The following NFATC1 variants were observed in gnomAD, a reference collection of about 807,000 sequenced individuals.
NFATC1 encodes nuclear factor of activated T-cells, cytoplasmic 1.
In NFATC1, 22 loss-of-function variants were observed where a neutral mutation model predicts 76.0. The ratio of observed to expected loss-of-function variants is 0.29; its 90% CI spans 0.21 to 0.41. NFATC1 has a LOEUF of 0.41. NFATC1 is among the 10% of genes least tolerant of loss of function. NFATC1 has a pLI of 1.00. For missense variants in NFATC1, 1,357 were observed against 1,337.7 expected, an observed-to-expected ratio of 1.01 and a Z score of -0.23; for synonymous variants, 704 against 613.1, an observed-to-expected ratio of 1.15 and a Z score of -2.19.
At chr18:79,435,862 C>A (rs932040364) in intron 3 of NFATC1, among the ~76,000 whole-genome samples, 1 of 152,188 alleles carries the variant, frequency 6.6e-6, no homozygotes, top group African/African-American at 2.4e-5. Flanking sequence ...TCCATTGAAA[C>A]GCGGGAGAAA....
At chr18:79,423,059 C>T (rs1222423835) in intron 2 of NFATC1, among the ~76,000 whole-genome samples, 2 of 151,214 alleles carry the variant, frequency 1.3e-5, no homozygotes, top group Non-Finnish European at 2.9e-5. Flanking sequence ...GTGTCCAAAG[C>T]TGTTGTGAGG....
chr18:79,435,863 G>A (rs1455010398), intron 3 of NFATC1, among the ~76,000 whole-genome samples: 2 of 152,198 alleles, frequency 1.3e-5, no homozygotes, highest in Non-Finnish European at 2.9e-5. Flanking sequence ...CCATTGAAAC[G>A]CGGGAGAAAA....
At chr18:79,477,458 C>T (rs1382625196) in intron 8 of NFATC1, among the ~76,000 whole-genome samples, 1 of 152,218 alleles carries the variant, frequency 6.6e-6, no homozygotes, top group Non-Finnish European at 1.5e-5. Flanking sequence ...ATCTCCCCAC[C>T]CCCAATGCCA....
chr18:79,399,955 A>G (rs1464175701), intron 1 of NFATC1, among the ~76,000 whole-genome samples: 1 of 150,542 alleles, frequency 6.6e-6, no homozygotes, highest in Non-Finnish European at 1.5e-5. Context: ...GGAGGCCCGG[A>G]TTGAAAACTT....
At chr18:79,513,011 A>AT (rs1397520069) in intron 9 of NFATC1, among the ~76,000 whole-genome samples, 3 of 152,252 alleles carry the variant, frequency 2.0e-5, no homozygotes, top group Non-Finnish European at 4.4e-5. Flanking sequence ...CTGGCAGAGA[A>AT]TTTCGCTAGA....
chr18:79,402,946 G>A (rs2085316876), intron 1 of NFATC1, among the ~76,000 whole-genome samples: 1 of 152,264 alleles, frequency 6.6e-6, no homozygotes, highest in Non-Finnish European at 1.5e-5. Flanking sequence ...GAGATCAATT[G>A]CAAAGCAAGG....
At chr18:79,494,907 G>A (rs559883628) in intron 9 of NFATC1, among the ~76,000 whole-genome samples, 1 of 147,808 alleles carries the variant, frequency 6.8e-6, no homozygotes, top group South Asian at 2.2e-4. Flanking sequence ...TGGTACCGCC[G>A]GGGGAAAGCG....
intron 9 of NFATC1, among the ~76,000 whole-genome samples, chr18:79,508,315 C>T (rs911250889): frequency 2.0e-5 from 3 of 152,076 alleles, no homozygotes; most frequent in African/African-American, 4.8e-5. Context: ...GGGTGCCGGG[C>T]AGGAGGAAGC....
chr18:79,508,857 CCTCTGTCTCTGCCT>C (rs1263165987), intron 9 of NFATC1, among the ~76,000 whole-genome samples: 2 of 150,620 alleles, frequency 1.3e-5, no homozygotes, highest in African/African-American at 4.9e-5. Flanking sequence ...TATCTCTCTC[CCTCTGTCTCTGCCT>C]CTCTGTCTCT....
chr18:79,416,326 T>C (rs150015250), intron 2 of NFATC1, among the ~76,000 whole-genome samples: 20 of 152,322 alleles, frequency 1.3e-4, no homozygotes, highest in African/African-American at 4.6e-4. Flanking sequence ...CCAGGCTCAG[T>C]AGCGATTCCT....
rs1029717244 is a variant in NFATC1, at chr18:79,421,279, A to G, written c.1226+9778A>G. ...TCCCTCTGCACAGGCCACTGTTCCC[A>G]GAACTCGAGGGTTCCCTGACACCAA... On this transcript the variant is annotated intron_variant, in intron 2 of 9. Coordinates refer to ENST00000427363, the MANE Select transcript of NFATC1 (RefSeq NM_001278669.2). The G allele has an allele frequency of 3.2e-4, 48 of 152,334 alleles. 2 individuals are homozygous for G. Among genetic ancestry groups the G allele is most frequent in the Non-Finnish European group, 4.4e-5 (3 of 68,122 alleles). The allele number at this position is 152,334 out of a possible 1,614,324, so 9.4% of individuals were successfully genotyped here.
rs555957794 is a variant in NFATC1 at position 79,425,327 on chromosome 18, C to T, written c.1227-8252C>T. Reference sequence around the variant, plus strand: ...TTTCTCTTTTAACTAAGGGAAAAGCCGTCACACAACCAAATGGCCATGAGG... The same window carrying T: ...TTTCTCTTTTAACTAAGGGAAAAGCTGTCACACAACCAAATGGCCATGAGG... On this transcript the variant is annotated intron_variant, in intron 2 of 9. Coordinates refer to ENST00000427363, the MANE Select transcript of NFATC1 (RefSeq NM_001278669.2). 6.6e-5 allele frequency among the ~76,000 whole-genome samples: 10 copies of T among 152,118 alleles called. No individual in the cohort carries two copies. In the South Asian group the frequency reaches 2.1e-3, roughly 32 times the overall value.
intron 9 of NFATC1, among the ~76,000 whole-genome samples, chr18:79,499,874 A>G (rs1371405408): frequency 6.6e-6 from 1 of 152,212 alleles, no homozygotes; most frequent in East Asian, 1.9e-4. Context: ...ATTACTAGAA[A>G]CAATGAACTG....
intron 1 of NFATC1, among the ~76,000 whole-genome samples, chr18:79,397,215 G>A (rs2085037488): frequency 6.6e-6 from 1 of 152,226 alleles, no homozygotes. Context: ...AGAGGTGTGA[G>A]CATACGAGTT....
chr18:79,448,255 G>C (rs1831375221), intron 3 of NFATC1: 1 of 161,168 alleles, frequency 6.2e-6, no homozygotes. Flanking sequence ...CCCTGCCTCT[G>C]CAGGAGGAGA....
At chr18:79,446,214 A>G (rs1264629242) in intron 3 of NFATC1, among the ~76,000 whole-genome samples, 1 of 152,198 alleles carries the variant, frequency 6.6e-6, no homozygotes, top group Non-Finnish European at 1.5e-5. Context: ...TTTACCTCCC[A>G]GGTGAAACCT....
At chr18:79,418,504 G>T (rs2085955182) in intron 2 of NFATC1, among the ~76,000 whole-genome samples, 1 of 152,190 alleles carries the variant, frequency 6.6e-6, no homozygotes, top group Admixed American at 6.5e-5. Flanking sequence ...GCCCAGACTG[G>T]CCTTCTGCTC....
rs774632735 is a variant in NFATC1 at position 79,411,332 on chromosome 18, G to C, written c.1057G>C (p.Val353Leu). ...PPSVALKVEPVGEDLGSPPPP... is the reference protein window; with the variant it reads ...PPSVALKVEPLGEDLGSPPPP... ...CTCAGTGGCGCTCAAGGTGGAGCCCGTCGGGGAGGACCTGGGCAGCCCCCC... is the reference window on the plus strand; with the variant it reads ...CTCAGTGGCGCTCAAGGTGGAGCCCCTCGGGGAGGACCTGGGCAGCCCCCC... The change falls in exon 2 of 10, where the codon GTC (valine) becomes CTC (leucine). Residue 353 changes from valine (V) to leucine (L), a missense_variant. Val to Leu is a conservative substitution (Grantham distance 32, BLOSUM62 1). Transcript: ENST00000427363. The C allele has an allele frequency of 3.8e-6, 6 of 1,599,178 alleles. No individual in the cohort carries two copies. Among genetic ancestry groups the C allele is most frequent in the African/African-American group, 1.3e-5 (1 of 74,630 alleles).
intron 9 of NFATC1, among the ~76,000 whole-genome samples, chr18:79,514,740 C>T (rs1233606085): frequency 6.6e-6 from 1 of 151,940 alleles, no homozygotes; most frequent in Non-Finnish European, 1.5e-5. Context: ...AGTTGAAAGT[C>T]ACATTTTAGT....
Sources: gnomAD v4.1 joint callset for allele counts (sites outside exome capture counted in the v4.1 genomes callset) on GRCh38, gnomAD v4.1.1 for gene constraint, MANE v1.5 for transcripts, NCBI Gene and HGNC (gene_info 2026-07-23, HGNC 2026-07-21) for gene names.